The following PTPRD variants were observed in gnomAD, a reference collection of about 807,000 sequenced individuals.
PTPRD encodes the protein protein tyrosine phosphatase receptor type D.
A neutral mutation model predicts 214.5 loss-of-function variants in PTPRD; 34 were observed. The ratio of observed to expected loss-of-function variants is 0.16; its 90% CI spans 0.12 to 0.21. The LOEUF is 0.21. Ranked by LOEUF, PTPRD falls within the 10% of genes least tolerant of loss-of-function variation. PTPRD has a pLI of 1.00. For synonymous variants in PTPRD, 1,128 were observed against 845.7 expected (o/e 1.33, Z -5.79); for missense variants, 2,545 against 2,398.7 (o/e 1.06, Z -1.27).
chr9:10,432,386 T>C (rs1044161148), intron 2 of PTPRD, among the ~76,000 whole-genome samples: 1 of 151,578 alleles, frequency 6.6e-6, no homozygotes, highest in African/African-American at 2.4e-5. Flanking sequence ...TGTATACATA[T>C]GTAACTAACC....
intron 2 of PTPRD, among the ~76,000 whole-genome samples, chr9:10,401,842 G>C (rs1203231116): frequency 2.7e-5 from 4 of 150,872 alleles, no homozygotes; most frequent in Non-Finnish European, 5.9e-5. Flanking sequence ...CTTTTTCCAA[G>C]TTTCTTTAAA....
intron 4 of PTPRD, among the ~76,000 whole-genome samples, chr9:10,023,785 A>AT (rs2096869713): frequency 1.3e-5 from 2 of 152,054 alleles, no homozygotes; most frequent in South Asian, 4.1e-4. Flanking sequence ...GGGAAAAAAA[A>AT]CTTCATTTAA....
At chr9:9,564,900 T>TGTTTTG (rs1412109398) in intron 8 of PTPRD, among the ~76,000 whole-genome samples, 2 of 141,418 alleles carry the variant, frequency 1.4e-5, no homozygotes, top group African/African-American at 5.1e-5. Flanking sequence ...TTTTTTTTTT[T>TGTTTTG]TTTTTTTTTT....
intron 2 of PTPRD, among the ~76,000 whole-genome samples, chr9:10,416,312 T>C (rs952303232): frequency 1.3e-5 from 2 of 151,842 alleles, no homozygotes; most frequent in African/African-American, 2.4e-5. Flanking sequence ...TGAGCCAAGA[T>C]AGTACCATTG....
At chr9:10,019,633 T>C (rs2096802210) in intron 4 of PTPRD, among the ~76,000 whole-genome samples, 1 of 152,122 alleles carries the variant, frequency 6.6e-6, no homozygotes, top group South Asian at 2.1e-4. Flanking sequence ...TGTAGGGACA[T>C]GGATGAAGCT....
At position 8,486,168 on chromosome 9, in the gene PTPRD, T is replaced by C. The variant is rs1323132542; in HGVS notation, c.2649A>G (p.Thr883=). 9 of 1,614,088 alleles carry C rather than the reference T, an allele frequency of 5.6e-6. No individual in the cohort carries two copies. Among genetic ancestry groups the C allele is most frequent in the East Asian group, 2.2e-5 (1 of 44,884 alleles). ...CGTATGATGCTCCCTTGTGGATGTC[T>C]GTAGCTGTAAAGTGATCTTCTTTTT... ...FSEKEDHFTA[T]DIHKGASYVF... The change falls in exon 28 of 46, where the codon ACA becomes ACG. Residue 883 remains threonine, a synonymous_variant. Coordinates refer to ENST00000381196, the MANE Select transcript of PTPRD (RefSeq NM_002839.4).
intron 5 of PTPRD, among the ~76,000 whole-genome samples, chr9:9,805,220 A>G (rs549591883): frequency 5.3e-5 from 8 of 152,132 alleles, no homozygotes; most frequent in Non-Finnish European, 8.8e-5. Context: ...GATGTTAACA[A>G]CCTCACAATG....
chr9:10,272,087 C>T (rs1298042258), intron 3 of PTPRD, among the ~76,000 whole-genome samples: 3 of 152,124 alleles, frequency 2.0e-5, no homozygotes, highest in Admixed American at 2.0e-4. Flanking sequence ...AACAGTCACT[C>T]ATCATTTCCC....
intron 2 of PTPRD, among the ~76,000 whole-genome samples, chr9:10,402,316 T>C (rs2098282308): frequency 6.6e-6 from 1 of 151,742 alleles, no homozygotes; most frequent in Admixed American, 6.6e-5. Context: ...CTATGAACTC[T>C]CTGGGATTCT....
chr9:9,734,983 T>A (rs969731062), intron 6 of PTPRD, among the ~76,000 whole-genome samples: 1 of 152,152 alleles, frequency 6.6e-6, no homozygotes, highest in African/African-American at 2.4e-5. Context: ...TTCCCATTTT[T>A]CAGGTTTTTG....
rs1481960272 is a variant in PTPRD, at chr9:10,555,514, C to T, written c.-600+56884G>A. On this transcript the variant is annotated intron_variant, in intron 2 of 45. Coordinates refer to ENST00000381196, the MANE Select transcript of PTPRD (RefSeq NM_002839.4). ...GCTATTAGGAGCACTTGGGTTTTTG[C>T]AGCCCTAGCATGCCTTTCCCCACCT... Among the ~76,000 whole-genome samples the T allele has an allele frequency of 2.0e-5, 3 of 152,154 alleles. No homozygotes were observed. The East Asian group carries it at 5.8e-4, about 29-fold the overall frequency.
intron 3 of PTPRD, among the ~76,000 whole-genome samples, chr9:10,201,726 A>G (rs1289941512): frequency 6.6e-6 from 1 of 152,092 alleles, no homozygotes; most frequent in Non-Finnish European, 1.5e-5. Context: ...ATCATTCAAC[A>G]AAGCAAACAT....
intron 7 of PTPRD, among the ~76,000 whole-genome samples, chr9:9,610,105 G>A (rs780801663): frequency 6.6e-6 from 1 of 152,086 alleles, no homozygotes; most frequent in Admixed American, 6.6e-5. Context: ...ATAAAGATGT[G>A]CCAAGCTCTG....
At chr9:9,375,715 A>G (rs1435377106) in intron 9 of PTPRD, among the ~76,000 whole-genome samples, 1 of 152,188 alleles carries the variant, frequency 6.6e-6, no homozygotes, top group Admixed American at 6.6e-5. Context: ...TAAATATGGT[A>G]TGACTCCACT....
chr9:9,886,261 G>A (rs2070872572), intron 5 of PTPRD, among the ~76,000 whole-genome samples: 1 of 151,904 alleles, frequency 6.6e-6, no homozygotes, highest in Non-Finnish European at 1.5e-5. Flanking sequence ...ACTGCTCTGG[G>A]TCTCCTGTTT....
intron 8 of PTPRD, among the ~76,000 whole-genome samples, chr9:9,478,488 T>A (rs2095225739): frequency 6.6e-6 from 1 of 152,172 alleles, no homozygotes. Context: ...ACAACAAACT[T>A]CATTCTGAAA....
intron 37 of PTPRD, 105 bp downstream of exon 37, chr9:8,389,127 A>T: frequency 1.0e-6 from 1 of 969,856 alleles, no homozygotes; most frequent in Non-Finnish European, 1.5e-6. Flanking sequence ...TCTGTTAGAA[A>T]GATAAGCCTT....
At chr9:10,338,328 G>C (rs2096879468) in intron 3 of PTPRD, among the ~76,000 whole-genome samples, 1 of 151,566 alleles carries the variant, frequency 6.6e-6, no homozygotes, top group South Asian at 2.1e-4. Context: ...TCCTGAGACA[G>C]TTGCCTGAAA....
intron 36 of PTPRD, among the ~76,000 whole-genome samples, chr9:8,401,400 A>G (rs1412581389): frequency 2.6e-5 from 4 of 152,010 alleles, no homozygotes. Flanking sequence ...AGGAATTACT[A>G]TTTTCTCTTA....
Sources: gnomAD v4.1 joint callset for allele counts (sites outside exome capture counted in the v4.1 genomes callset) on GRCh38, gnomAD v4.1.1 for gene constraint, MANE v1.5 for transcripts, NCBI Gene and HGNC (gene_info 2026-07-23, HGNC 2026-07-21) for gene names.